Variants in ERMP1 observed in about 807,000 individuals in gnomAD.
The protein encoded by ERMP1 is Felix-ina.
A neutral mutation model predicts 92.0 loss-of-function variants in ERMP1; 86 were observed. The ratio of observed to expected loss-of-function variants is 0.93; its 90% CI spans 0.79 to 1.12. ERMP1 has a LOEUF of 1.12. Ranked by LOEUF, ERMP1 falls within the 50% of genes most tolerant of loss-of-function variation. The pLI, the probability that ERMP1 is intolerant of heterozygous loss-of-function variation, is 0.00. For synonymous variants in ERMP1, 530 were observed against 412.8 expected (o/e 1.28, Z -3.44); for missense variants, 1,342 against 1,116.3 (o/e 1.20, Z -2.88).
chr9:5,814,088 T>C (rs1829212968), intron 4 of ERMP1, among the ~76,000 whole-genome samples: 1 of 152,130 alleles, frequency 6.6e-6, no homozygotes, highest in Non-Finnish European at 1.5e-5. Flanking sequence ...AGGAATGACA[T>C]GACCCTCAAC....
chr9:5,795,992 AAAAT>A (rs1196903278), intron 13 of ERMP1, among the ~76,000 whole-genome samples: 3 of 152,300 alleles, frequency 2.0e-5, no homozygotes, highest in African/African-American at 7.2e-5. Flanking sequence ...TAACTACTTA[AAAAT>A]AAATCTAACA....
chr9:5,824,222 T>G lies in ERMP1; in HGVS notation c.769-221A>C, dbSNP rs564350274. ...AAGTCACCTATCACAGAAGGCAGCC[T>G]GGTGACCATCAGCGGTGCCAAACAA... On this transcript the variant is annotated intron_variant, in intron 3 of 14. Transcript: ENST00000339450. Among the ~76,000 whole-genome samples, 11 of 152,276 alleles carry G rather than the reference T, an allele frequency of 7.2e-5. No individual in the cohort carries two copies. In the East Asian group the frequency reaches 1.7e-3, roughly 24 times the overall value.
At chr9:5,787,346 A>G (rs752157857) in intron 14 of ERMP1, 38 bp from the exon 15 acceptor site, 5 of 1,605,688 alleles carry the variant, frequency 3.1e-6, no homozygotes, top group Admixed American at 1.7e-5. Context: ...AGTTCTCAGA[A>G]GCCAGAATAC....
At chr9:5,855,908 T>C (rs886654821) in intron 6 of ERMP1, 3 of 206,414 alleles carry the variant, frequency 1.5e-5, no homozygotes, top group Non-Finnish European at 1.0e-5. Flanking sequence ...ATTAAATGAC[T>C]GGCTTTGCCA....
intron 5 of ERMP1, among the ~76,000 whole-genome samples, chr9:5,866,680 A>C (rs961374262): frequency 1.3e-5 from 2 of 152,218 alleles, no homozygotes; most frequent in African/African-American, 4.8e-5. Context: ...AACCCAAAGT[A>C]CTTGATTTGA....
At chr9:5,822,938 G>C (rs752875596) in intron 4 of ERMP1, among the ~76,000 whole-genome samples, 2 of 152,160 alleles carry the variant, frequency 1.3e-5, no homozygotes, top group Non-Finnish European at 2.9e-5. Flanking sequence ...TGGAACACTA[G>C]GCATAAATAG....
Position 5,810,066 on chromosome 9 carries a change from G to A in ERMP1, c.1493C>T (p.Ala498Val). 1.2e-6 allele frequency: 2 copies of A among 1,613,776 alleles called. No homozygotes were observed. The highest frequency in any genetic ancestry group is 8.5e-7 in the Non-Finnish European group (1 of 1,179,720). Residue 498 changes from alanine (A) to valine (V), a missense_variant, in exon 8 of 15, where the codon GCA (alanine) becomes GTA (valine). By Grantham distance (64) the Ala-to-Val change is moderately conservative. Coordinates refer to ENST00000339450, the MANE Select transcript of ERMP1 (RefSeq NM_024896.3). ...FYVSVCLYGT[A>V]TVAKIILIHT... ...TATAAGTATTATTTTGGCTACAGTT[G>A]CAGTTCCATACAGACAAACGGAGAC...
chr9:5,832,602 G>T, intron 1 of ERMP1, 88 bp downstream of exon 1: 1 of 1,083,022 alleles, frequency 9.2e-7, no homozygotes. Flanking sequence ...GTCCGGCAGG[G>T]GCGGGTGCAC....
chr9:5,797,102 G>T (rs1828458652), intron 13 of ERMP1, among the ~76,000 whole-genome samples: 1 of 152,038 alleles, frequency 6.6e-6, no homozygotes, highest in South Asian at 2.1e-4. Context: ...ATGCAGTGGT[G>T]CTATCAGCCT....
upstream of ERMP1, among the ~76,000 whole-genome samples, chr9:5,837,355 C>T (rs1830106948): frequency 1.3e-5 from 2 of 152,102 alleles, no homozygotes; most frequent in Non-Finnish European, 2.9e-5. Context: ...CACACACCCA[C>T]AATATTCAAG....
At chr9:5,829,231 A>AC (rs1829847001) in intron 2 of ERMP1, among the ~76,000 whole-genome samples, 2 of 151,988 alleles carry the variant, frequency 1.3e-5, no homozygotes, top group Admixed American at 1.3e-4. Flanking sequence ...AAAAAAAAAA[A>AC]AAAAAAACAC....
chr9:5,807,551 G>C (rs946937908), intron 8 of ERMP1, among the ~76,000 whole-genome samples: 1 of 152,132 alleles, frequency 6.6e-6, no homozygotes, highest in Admixed American at 6.5e-5. Flanking sequence ...TTGGAGACCA[G>C]CCTGGCCAAC....
At chr9:5,858,180 G>A (rs1156745542) in intron 6 of ERMP1, among the ~76,000 whole-genome samples, 1 of 152,242 alleles carries the variant, frequency 6.6e-6, no homozygotes, top group South Asian at 2.1e-4. Flanking sequence ...CTTTCTGGAG[G>A]CAAGAAAGAG....
intron 6 of ERMP1, among the ~76,000 whole-genome samples, chr9:5,852,326 G>A (rs753208889): frequency 2.0e-5 from 3 of 150,726 alleles, no homozygotes; most frequent in Non-Finnish European, 4.4e-5. Context: ...GAAATGGCAT[G>A]ATCAAGGCTC....
chr9:5,839,224 G>T (rs954973865), intron 6 of ERMP1, among the ~76,000 whole-genome samples: 1 of 152,180 alleles, frequency 6.6e-6, no homozygotes, highest in Non-Finnish European at 1.5e-5. Context: ...AAAAAACTGA[G>T]AGAATTTTCA....
intron 8 of ERMP1, among the ~76,000 whole-genome samples, chr9:5,806,446 G>C (rs919623790): frequency 3.1e-4 from 27 of 86,640 alleles, no homozygotes; most frequent in Non-Finnish European, 5.4e-4. Flanking sequence ...TTTTTTTTTT[G>C]AGACAGGTTC....
intron 11 of ERMP1, among the ~76,000 whole-genome samples, chr9:5,799,356 C>T (rs913070466): frequency 6.6e-6 from 1 of 152,122 alleles, no homozygotes; most frequent in Non-Finnish European, 1.5e-5. Flanking sequence ...ACTCATTTCC[C>T]TATTAGTGTT....
chr9:5,825,098 G>A lies in ERMP1; in HGVS notation c.762C>T (p.Val254=). 1.2e-6 allele frequency: 2 copies of A among 1,613,770 alleles called. No homozygotes were observed. Among genetic ancestry groups the A allele is most frequent in the Non-Finnish European group, 8.5e-7 (1 of 1,179,818 alleles). ...IFLFNGAEEN[V]LQASHGFITQ... ...TAAAACAGTAAAATCTCACTTGCAA[G>A]ACATTTTCCTCAGCACCATTAAAGA... is the stretch of plus-strand genomic sequence containing the variant. Residue 254 remains valine, a synonymous_variant, in exon 3 of 15, where the codon GTC becomes GTT. Transcript: ENST00000339450.
chr9:5,862,417 C>T (rs1308964911), intron 5 of ERMP1, among the ~76,000 whole-genome samples: 2 of 151,918 alleles, frequency 1.3e-5, no homozygotes, highest in East Asian at 1.9e-4. Flanking sequence ...ATTGCAGCCT[C>T]GAACTCCTGG....
Sources: gnomAD v4.1 joint callset for allele counts (sites outside exome capture counted in the v4.1 genomes callset) on GRCh38, gnomAD v4.1.1 for gene constraint, MANE v1.5 for transcripts, NCBI Gene and HGNC (gene_info 2026-07-23, HGNC 2026-07-21) for gene names.